Variants in CNTNAP2 observed in about 807,000 individuals in gnomAD.
The protein encoded by CNTNAP2 is contactin-associated protein-like 2.
CNTNAP2 carries 98 observed loss-of-function variants against 155.2 expected under a neutral mutation model. The observed-to-expected ratio is 0.63, with a 90% confidence interval of 0.54 to 0.75. The LOEUF (loss-of-function observed/expected upper bound fraction) is 0.75. Ranked by LOEUF, CNTNAP2 falls within the 30% of genes least tolerant of loss-of-function variation. CNTNAP2 has a pLI of 0.00. For missense variants in CNTNAP2, 1,727 were observed against 1,688.1 expected (o/e 1.02, Z -0.40); for synonymous variants, 651 against 631.2 (o/e 1.03, Z -0.47).
chr7:147,187,694 A>G (rs1342270667), intron 8 of CNTNAP2, among the ~76,000 whole-genome samples: 1 of 152,154 alleles, frequency 6.6e-6, no homozygotes, highest in African/African-American at 2.4e-5. Flanking sequence ...TTAGCATCAC[A>G]CTATATATCT....
intron 1 of CNTNAP2, among the ~76,000 whole-genome samples, chr7:146,559,819 T>C (rs1452016648): frequency 1.3e-5 from 2 of 149,696 alleles, no homozygotes; most frequent in Non-Finnish European, 3.0e-5. Context: ...TAAGTTTTAT[T>C]TGATGAATGC....
chr7:146,541,359 C>A (rs780366927), intron 1 of CNTNAP2, among the ~76,000 whole-genome samples: 3 of 152,000 alleles, frequency 2.0e-5, no homozygotes, highest in Non-Finnish European at 4.4e-5. Flanking sequence ...TAAGGAGAGA[C>A]CTATCTGGTC....
intron 10 of CNTNAP2, among the ~76,000 whole-genome samples, chr7:147,476,605 A>T (rs968735379): frequency 8.6e-5 from 13 of 151,548 alleles, no homozygotes; most frequent in African/African-American, 2.7e-4. Flanking sequence ...AACTTTTCCT[A>T]GTCTGCCCCT....
chr7:146,860,983 G>C (rs1010389302), intron 3 of CNTNAP2, among the ~76,000 whole-genome samples: 1 of 152,092 alleles, frequency 6.6e-6, no homozygotes, highest in Admixed American at 6.6e-5. Context: ...TTATAGGCTA[G>C]AATTTTTTTC....
chr7:147,432,884 G>A (rs1563202117), intron 10 of CNTNAP2, among the ~76,000 whole-genome samples: 1 of 152,178 alleles, frequency 6.6e-6, no homozygotes, highest in South Asian at 2.1e-4. Flanking sequence ...TCCTTCACTG[G>A]CACTTACCTA....
intron 18 of CNTNAP2, among the ~76,000 whole-genome samples, chr7:148,186,513 A>G (rs773151269): frequency 6.6e-6 from 1 of 152,174 alleles, no homozygotes; most frequent in Non-Finnish European, 1.5e-5. Context: ...GTTCATGGAG[A>G]GCCCGGGACC....
chr7:146,911,294 T>C (rs1344230903), intron 3 of CNTNAP2, among the ~76,000 whole-genome samples: 1 of 152,140 alleles, frequency 6.6e-6, no homozygotes, highest in Non-Finnish European at 1.5e-5. Context: ...GACCCAGCCA[T>C]CCTATTACTG....
intron 15 of CNTNAP2, among the ~76,000 whole-genome samples, chr7:148,080,115 C>G (rs887790614): frequency 6.6e-6 from 1 of 152,168 alleles, no homozygotes; most frequent in African/African-American, 2.4e-5. Flanking sequence ...TCAGCTTCAT[C>G]CTGCACCCCA....
intron 8 of CNTNAP2, among the ~76,000 whole-genome samples, chr7:147,162,553 T>C (rs1802046421): frequency 6.6e-6 from 1 of 152,188 alleles, no homozygotes; most frequent in Non-Finnish European, 1.5e-5. Context: ...TATTTGTTTA[T>C]AATAGTCCTT....
At chr7:147,627,258 G>A (rs144165146) in intron 12 of CNTNAP2, among the ~76,000 whole-genome samples, 2,434 of 152,132 alleles carry the variant, frequency 0.016, 219 homozygotes, top group Admixed American at 0.14. Context: ...ACAAAACAAG[G>A]TTCTATAGTA....
intron 1 of CNTNAP2, among the ~76,000 whole-genome samples, chr7:146,163,726 TA>T (rs559560384): frequency 2.8e-5 from 4 of 145,368 alleles, no homozygotes; most frequent in African/African-American, 5.1e-5. Flanking sequence ...CCATACTGGG[TA>T]AAAAAAAAGA....
chr7:147,748,469 C>T (rs10231699), intron 13 of CNTNAP2, among the ~76,000 whole-genome samples: 16,826 of 152,016 alleles, frequency 0.11, 2,840 homozygotes, highest in African/African-American at 0.37. Context: ...GTGACAGAAC[C>T]GCAACTCAAA....
At chr7:148,139,347 A>T (rs1805015847) in intron 16 of CNTNAP2, among the ~76,000 whole-genome samples, 1 of 152,166 alleles carries the variant, frequency 6.6e-6, no homozygotes, top group African/African-American at 2.4e-5. Flanking sequence ...GTCATTTTTT[A>T]TTTCCTTCAT....
chr7:146,648,890 A>G (rs1468102665), intron 1 of CNTNAP2, among the ~76,000 whole-genome samples: 1 of 152,130 alleles, frequency 6.6e-6, no homozygotes, highest in East Asian at 1.9e-4. Flanking sequence ...GCTGATTACC[A>G]TACTTCATAG....
At chr7:147,406,761 T>C (rs1198552327) in intron 10 of CNTNAP2, among the ~76,000 whole-genome samples, 9 of 152,214 alleles carry the variant, frequency 5.9e-5, no homozygotes, top group Admixed American at 5.9e-4. Context: ...TGTGTGTTTA[T>C]TTGAAATGGT....
intron 13 of CNTNAP2, among the ~76,000 whole-genome samples, chr7:147,694,551 T>C (rs565915992): frequency 1.3e-5 from 2 of 152,288 alleles, no homozygotes; most frequent in African/African-American, 4.8e-5. Flanking sequence ...GATTGTCAAT[T>C]TATTCTCATG....
intron 4 of CNTNAP2, among the ~76,000 whole-genome samples, chr7:147,101,759 G>C (rs543736602): frequency 6.6e-6 from 1 of 152,064 alleles, no homozygotes; most frequent in Non-Finnish European, 1.5e-5. Context: ...TTGATGTACA[G>C]ACGCTTCCTC....
chr7:146,852,521 T>C (rs1012952661), intron 3 of CNTNAP2, among the ~76,000 whole-genome samples: 2 of 152,158 alleles, frequency 1.3e-5, no homozygotes, highest in African/African-American at 4.8e-5. Flanking sequence ...ATGTCCTACT[T>C]TCAAACTCCA....
chr7:147,838,400 AT>A (rs201113747), intron 13 of CNTNAP2, among the ~76,000 whole-genome samples: 6,728 of 151,736 alleles, frequency 0.044, 268 homozygotes, highest in Admixed American at 0.12. Context: ...AGAAAATAGG[AT>A]TTTTTTTTCT....
Sources: allele counts gnomAD v4.1 joint callset (sites outside exome capture counted in the v4.1 genomes callset), GRCh38; gene constraint gnomAD v4.1.1; transcripts MANE v1.5; gene names NCBI Gene and HGNC (gene_info 2026-07-23, HGNC 2026-07-21).